Variants in LAMA2 observed in about 807,000 individuals in gnomAD.
The protein encoded by LAMA2 is laminin subunit alpha 2.
Under a neutral mutation model 364.8 loss-of-function variants are expected in LAMA2, and 269 were observed. The observed-to-expected ratio is 0.74, with a 90% CI of 0.67 to 0.82. LAMA2 has a LOEUF of 0.82. Among genes scored for constraint, LAMA2 ranks in the 40% least tolerant of loss-of-function variants. The pLI, the probability that LAMA2 is intolerant of heterozygous loss-of-function variation, is 0.00. For missense variants in LAMA2, 3,807 were observed against 3,873.2 expected (o/e 0.98, Z 0.45); for synonymous variants, 1,379 against 1,370.6 (o/e 1.01, Z -0.14).
chr6:129,310,487 A>G (rs936845629), intron 22 of LAMA2, among the ~76,000 whole-genome samples: 32 of 152,178 alleles, frequency 2.1e-4, no homozygotes, highest in Non-Finnish European at 4.1e-4. Flanking sequence ...GGATAATAGA[A>G]CAGCACCAAA....
chr6:129,061,328 C>T (rs986502114), intron 3 of LAMA2, among the ~76,000 whole-genome samples: 1 of 152,110 alleles, frequency 6.6e-6, no homozygotes, highest in Non-Finnish European at 1.5e-5. Flanking sequence ...GGTTTATTCT[C>T]CATTTATTCT....
chr6:129,313,189 C>T (rs944082542), intron 23 of LAMA2, 92 bp downstream of exon 23: 6 of 748,894 alleles, frequency 8.0e-6, no homozygotes, highest in Admixed American at 2.4e-5. Context: ...GTTATACCTG[C>T]TTCATTAAGC....
At chr6:128,908,579 A>G in intron 1 of LAMA2, among the ~76,000 whole-genome samples, 2 of 138,674 alleles carry the variant, frequency 1.4e-5, no homozygotes, top group Non-Finnish European at 3.1e-5. Context: ...ATCCTTTCAA[A>G]AAACCAGCTC....
At chr6:128,892,380 A>G (rs762296259) in intron 1 of LAMA2, among the ~76,000 whole-genome samples, 19 of 152,144 alleles carry the variant, frequency 1.2e-4, no homozygotes, top group African/African-American at 3.4e-4. Flanking sequence ...AATAATTTGT[A>G]GTTATTCATA....
chr6:129,258,976 C>T (rs995289296), intron 14 of LAMA2, among the ~76,000 whole-genome samples: 3 of 152,066 alleles, frequency 2.0e-5, no homozygotes, highest in Admixed American at 6.6e-5. Flanking sequence ...AGTTTATTTA[C>T]AGGTAAAGAT....
At chr6:128,931,888 A>G (rs1472801676) in intron 1 of LAMA2, among the ~76,000 whole-genome samples, 4 of 152,158 alleles carry the variant, frequency 2.6e-5, no homozygotes, top group Non-Finnish European at 2.9e-5. Flanking sequence ...ATCTGTTCTT[A>G]TTCTTTTAAT....
At chr6:128,946,373 A>C (rs573286265) in intron 1 of LAMA2, among the ~76,000 whole-genome samples, 9 of 152,304 alleles carry the variant, frequency 5.9e-5, no homozygotes, top group Non-Finnish European at 1.3e-4. Context: ...AACACAGTAC[A>C]CTGTGGAATA....
At chr6:128,998,140 C>T (rs1044220280) in intron 1 of LAMA2, among the ~76,000 whole-genome samples, 11 of 152,134 alleles carry the variant, frequency 7.2e-5, no homozygotes, top group Middle Eastern at 3.4e-3. Flanking sequence ...AGGTAAAGAG[C>T]CTGGGCACAG....
intron 34 of LAMA2, among the ~76,000 whole-genome samples, chr6:129,372,801 A>G (rs1308184491): frequency 2.0e-5 from 3 of 152,134 alleles, no homozygotes; most frequent in Non-Finnish European, 4.4e-5. Flanking sequence ...CACATCCTCA[A>G]TAGCATTTGG....
At chr6:129,484,657 T>C (rs1037019065) in intron 55 of LAMA2, among the ~76,000 whole-genome samples, 2 of 152,048 alleles carry the variant, frequency 1.3e-5, no homozygotes, top group African/African-American at 4.8e-5. Flanking sequence ...AAATGAAAAA[T>C]GTGCTATATG....
chr6:128,960,575 G>T (rs1414771087), intron 1 of LAMA2, among the ~76,000 whole-genome samples: 1 of 152,000 alleles, frequency 6.6e-6, no homozygotes. Flanking sequence ...GGCCAGGCTG[G>T]TCTGGAACGC....
chr6:129,028,627 A>G (rs1397384610), intron 1 of LAMA2, among the ~76,000 whole-genome samples: 4 of 151,834 alleles, frequency 2.6e-5, no homozygotes, highest in Admixed American at 2.0e-4. Flanking sequence ...TTGTTTCAAC[A>G]TGCTTGGGAC....
At chr6:129,372,753 G>T (rs1289701815) in intron 34 of LAMA2, among the ~76,000 whole-genome samples, 2 of 152,150 alleles carry the variant, frequency 1.3e-5, no homozygotes, top group Non-Finnish European at 2.9e-5. Context: ...TTTCTATTTT[G>T]CATTCCCACC....
chr6:129,247,398 C>G (rs1035325885), intron 12 of LAMA2, among the ~76,000 whole-genome samples: 1 of 152,184 alleles, frequency 6.6e-6, no homozygotes, highest in Non-Finnish European at 1.5e-5. Flanking sequence ...TTGCAGTGAG[C>G]TAAGATGGTG....
chr6:129,198,472 C>G (rs1290539220), intron 12 of LAMA2, among the ~76,000 whole-genome samples: 1 of 152,016 alleles, frequency 6.6e-6, no homozygotes, highest in Non-Finnish European at 1.5e-5. Flanking sequence ...GATGCTGAAG[C>G]AGCTTATTCA....
intron 1 of LAMA2, among the ~76,000 whole-genome samples, chr6:129,019,559 C>A (rs1785282687): frequency 6.6e-6 from 1 of 151,686 alleles, no homozygotes; most frequent in Non-Finnish European, 1.5e-5. Flanking sequence ...TAATATTATT[C>A]TATTTTTCTT....
chr6:129,208,491 AAGAG>A (rs992140594), intron 12 of LAMA2, among the ~76,000 whole-genome samples: 4 of 151,832 alleles, frequency 2.6e-5, no homozygotes, highest in Non-Finnish European at 5.9e-5. Flanking sequence ...GAAAGAAGAA[AAGAG>A]AGAGATAGAG....
intron 17 of LAMA2, among the ~76,000 whole-genome samples, chr6:129,279,384 A>G (rs1345512573): frequency 6.6e-6 from 1 of 152,186 alleles, no homozygotes; most frequent in African/African-American, 2.4e-5. Flanking sequence ...ATTGCTTCAG[A>G]CCCAAATTAG....
At chr6:129,269,604 A>AT (rs1787779838) in intron 16 of LAMA2, among the ~76,000 whole-genome samples, 1 of 152,136 alleles carries the variant, frequency 6.6e-6, no homozygotes, top group African/African-American at 2.4e-5. Context: ...GGCAAAATTA[A>AT]TTTTTGATTC....
Sources: allele counts gnomAD v4.1 joint callset (sites outside exome capture counted in the v4.1 genomes callset), GRCh38; gene constraint gnomAD v4.1.1; transcripts MANE v1.5; gene names NCBI Gene and HGNC (gene_info 2026-07-23, HGNC 2026-07-21).